Variants in OSBPL3 observed in about 807,000 individuals in gnomAD.
OSBPL3 encodes oxysterol binding protein like 3.
In OSBPL3, 65 loss-of-function variants were observed where a neutral mutation model predicts 120.1. The observed-to-expected ratio is 0.54, with a 90% CI of 0.44 to 0.67. The LOEUF is 0.67. Among genes scored for constraint, OSBPL3 ranks in the 30% least tolerant of loss-of-function variants. The pLI, the probability that OSBPL3 is intolerant of heterozygous loss-of-function variation, is 0.00. For missense variants in OSBPL3, 1,004 were observed against 1,082.1 expected, an observed-to-expected ratio of 0.93 and a Z score of 1.01; for synonymous variants, 416 against 402.6, an observed-to-expected ratio of 1.03 and a Z score of -0.40.
intron 10 of OSBPL3, among the ~76,000 whole-genome samples, chr7:24,856,310 A>G (rs1053004878): frequency 3.9e-5 from 6 of 152,048 alleles, no homozygotes; most frequent in Middle Eastern, 3.2e-3. Flanking sequence ...TCTGTTTCTA[A>G]GGCTTCCATG....
chr7:24,811,184 T>C (rs923722719), intron 19 of OSBPL3, among the ~76,000 whole-genome samples: 5 of 152,244 alleles, frequency 3.3e-5, no homozygotes, highest in Non-Finnish European at 7.3e-5. Context: ...CCTGAACACA[T>C]TATTTTTCAT....
rs1187345657 is a variant in OSBPL3, at chr7:24,851,012, A to T, written c.1158+1492T>A. Among the ~76,000 whole-genome samples the T allele has an allele frequency of 2.6e-5, 4 of 152,342 alleles. 1 individual carries two copies. Among genetic ancestry groups the T allele is most frequent in the Admixed American group, 2.0e-4 (3 of 15,298 alleles). ...GGTGAGAACAGCCTTGGCCTAGGATACCACAGCCAAATAGGTCTCAGTGGC... is the reference window on the plus strand; with the variant it reads ...GGTGAGAACAGCCTTGGCCTAGGATTCCACAGCCAAATAGGTCTCAGTGGC... On this transcript the variant is annotated intron_variant, in intron 11 of 22. Transcript: ENST00000313367. This position sits in a 1 kb window ranked among gnomAD's most constrained non-coding sequence, Gnocchi z 4.1.
intron 1 of OSBPL3, among the ~76,000 whole-genome samples, chr7:24,920,319 T>C (rs937479915): frequency 1.3e-5 from 2 of 152,154 alleles, no homozygotes; most frequent in African/African-American, 4.8e-5. Context: ...AGGAATTAAA[T>C]AGTGAGTCAT....
At chr7:24,902,176 T>C (rs1807121926) in intron 1 of OSBPL3, among the ~76,000 whole-genome samples, 1 of 152,224 alleles carries the variant, frequency 6.6e-6, no homozygotes. Context: ...GCAATCACAT[T>C]GCTATAAGTT....
chr7:24,832,941 C>T (rs1796574875), intron 15 of OSBPL3, among the ~76,000 whole-genome samples: 1 of 152,170 alleles, frequency 6.6e-6, no homozygotes, highest in Non-Finnish European at 1.5e-5. Context: ...AGGTCAATTA[C>T]ACTGATCAAT....
intron 10 of OSBPL3, among the ~76,000 whole-genome samples, chr7:24,853,712 A>C (rs1246351943): frequency 6.6e-6 from 1 of 152,242 alleles, no homozygotes; most frequent in Non-Finnish European, 1.5e-5. Context: ...AAAGAACAAC[A>C]CGAGGTATGA....
In OSBPL3 at chr7:24,964,641, C is replaced by T. The variant is rs1004657535; in HGVS notation, c.-150+15245G>A. ...TAGAACCCCACATGGAGTCCTGGAA[C>T]GGCAAAAGGACACTAAGGAAAAGCT... On this transcript the variant is annotated intron_variant, in intron 1 of 22. Transcript: ENST00000313367. The surrounding 1 kb of genome is among the most constrained non-coding windows in gnomAD (Gnocchi z 4.2). Among the ~76,000 whole-genome samples, 16 of 152,104 alleles carry T rather than the reference C, an allele frequency of 1.1e-4. No individual in the cohort carries two copies. Among genetic ancestry groups the T allele is most frequent in the African/African-American group, 2.9e-4 (12 of 41,400 alleles).
chr7:24,973,140 A>AT (rs1011832959), intron 1 of OSBPL3, among the ~76,000 whole-genome samples: 20 of 152,166 alleles, frequency 1.3e-4, no homozygotes, highest in Admixed American at 2.6e-4. Context: ...CATTTAAGCT[A>AT]TTTTTTTAAC....
In OSBPL3 at chr7:24,834,456, G is replaced by C; in HGVS notation, c.1746+30C>G. ...CCTCGTGGCTTGGGGACCGAGGCTG[G>C]ACAGTGGCAAGGGAAGGCTGACTCC... On this transcript the variant is annotated intron_variant, in intron 15 of 22. Coordinates refer to ENST00000313367, the MANE Select transcript of OSBPL3 (RefSeq NM_015550.4). This position sits in a 1 kb window ranked among gnomAD's most constrained non-coding sequence, Gnocchi z 5.2. 6.3e-7 allele frequency: 1 copy of C among 1,594,728 alleles called. No individual in the cohort carries two copies.
intron 5 of OSBPL3, 25 bp downstream of exon 5, chr7:24,870,707 T>A: frequency 7.2e-7 from 1 of 1,380,902 alleles, no homozygotes; most frequent in Non-Finnish European, 1.0e-6. Flanking sequence ...ATAAGTGAAC[T>A]CTGCACAGTG....
chr7:24,918,970 C>T lies in OSBPL3; in HGVS notation c.-149-26349G>A, dbSNP rs1052763139. Among the ~76,000 whole-genome samples the T allele has an allele frequency of 3.9e-5, 6 of 152,096 alleles. No individual in the cohort carries two copies. The highest frequency in any genetic ancestry group is 1.4e-4 in the African/African-American group (6 of 41,410). ...ACATACGTCACATTATTTAATTCCCCGAATTACCCTTTGATTTGGTAGAGT... is the reference window on the plus strand; with the variant it reads ...ACATACGTCACATTATTTAATTCCCTGAATTACCCTTTGATTTGGTAGAGT... On this transcript the variant is annotated intron_variant, in intron 1 of 22. Transcript: ENST00000313367. This position sits in a 1 kb window ranked among gnomAD's most constrained non-coding sequence, Gnocchi z 4.3.
intron 1 of OSBPL3, among the ~76,000 whole-genome samples, chr7:24,895,899 A>T (rs2128355369): frequency 6.6e-6 from 1 of 152,370 alleles, no homozygotes; most frequent in Non-Finnish European, 1.5e-5. Flanking sequence ...AAGTGCACAT[A>T]CAGAATGTTA....
chr7:24,842,398 C>G lies in OSBPL3; in HGVS notation c.1282G>C (p.Glu428Gln). 1 of 1,607,944 alleles carries G rather than the reference C, an allele frequency of 6.2e-7. No individual in the cohort carries two copies. Among genetic ancestry groups the G allele is most frequent in the Non-Finnish European group, 8.5e-7 (1 of 1,178,294 alleles). Residue 428 changes from glutamate (E) to glutamine (Q), a missense_variant, in exon 13 of 23, where the codon GAA becomes CAA. By Grantham distance (29) the Glu-to-Gln change is conservative. Coordinates refer to ENST00000313367, the MANE Select transcript of OSBPL3 (RefSeq NM_015550.4). ...DNLAEENSRD[E>Q]NRALVHQLSN... Reference sequence around the variant, plus strand: ...AGCTGATGAACTAGAGCTCGGTTTTCATCTCTGGAGTTTTCCTATTTGAAG... The same window carrying G: ...AGCTGATGAACTAGAGCTCGGTTTTGATCTCTGGAGTTTTCCTATTTGAAG...
chr7:24,907,254 G>A (rs1035960342), intron 1 of OSBPL3, among the ~76,000 whole-genome samples: 1 of 152,136 alleles, frequency 6.6e-6, no homozygotes. Flanking sequence ...GCTCTCCCCT[G>A]CTCCAAATTC....
intron 1 of OSBPL3, among the ~76,000 whole-genome samples, chr7:24,969,071 G>A (rs1584759953): frequency 1.3e-5 from 2 of 152,192 alleles, no homozygotes; most frequent in African/African-American, 2.4e-5. Context: ...GACAGATACT[G>A]CCAATGGCTC....
chr7:24,935,392 T>C (rs1812288143), intron 1 of OSBPL3, among the ~76,000 whole-genome samples: 1 of 152,184 alleles, frequency 6.6e-6, no homozygotes, highest in African/African-American at 2.4e-5. Context: ...GTACTCACTT[T>C]GTGTGTATGT....
rs1050872897 is a variant in OSBPL3, at chr7:24,879,112, T to C, written c.97-7043A>G. Among the ~76,000 whole-genome samples the C allele has an allele frequency of 6.6e-6, 1 of 152,204 alleles. No individual in the cohort carries two copies. The highest frequency in any genetic ancestry group is 1.5e-5 in the Non-Finnish European group (1 of 68,038). Reference sequence around the variant, plus strand: ...AAAACATGGCTGATCTATGAAAGTCTCTGGAGTGCTCCATCAGAGGCTGGT... The same window carrying C: ...AAAACATGGCTGATCTATGAAAGTCCCTGGAGTGCTCCATCAGAGGCTGGT... On this transcript the variant is annotated intron_variant, in intron 2 of 22. Transcript: ENST00000313367. This position sits in a 1 kb window ranked among gnomAD's most constrained non-coding sequence, Gnocchi z 5.6.
chr7:24,853,001 T>C (rs1799361899), intron 10 of OSBPL3, among the ~76,000 whole-genome samples: 1 of 152,154 alleles, frequency 6.6e-6, no homozygotes, highest in Non-Finnish European at 1.5e-5. Context: ...AAAAATTAAG[T>C]CTATTAAAAT....
In OSBPL3 at chr7:24,953,940, A is replaced by G. The variant is rs1814741861; in HGVS notation, c.-150+25946T>C. 6.6e-6 allele frequency among the ~76,000 whole-genome samples: 1 copy of G among 152,224 alleles called. No homozygotes were observed. The highest frequency in any genetic ancestry group is 2.4e-5 in the African/African-American group (1 of 41,456). On this transcript the variant is annotated intron_variant, in intron 1 of 22. Transcript: ENST00000313367. This position sits in a 1 kb window ranked among gnomAD's most constrained non-coding sequence, Gnocchi z 4.3. ...TCACAATGATGATCAACAGTCTGGA[A>G]CACTTTCTCAATCACCAGATGAACC... is the stretch of plus-strand genomic sequence containing the variant.
Sources: gnomAD v4.1 joint callset for allele counts (sites outside exome capture counted in the v4.1 genomes callset) on GRCh38, gnomAD v4.1.1 for gene constraint, Gnocchi (gnomAD v3.1) non-coding constraint, MANE v1.5 for transcripts, NCBI Gene and HGNC (gene_info 2026-07-23, HGNC 2026-07-21) for gene names.